The following ALX3 variants were observed in gnomAD, a reference collection of about 807,000 sequenced individuals.
ALX3 encodes homeobox protein aristaless-like 3.
A neutral mutation model predicts 26.3 loss-of-function variants in ALX3; 17 were observed. The ratio of observed to expected loss-of-function variants is 0.65; its 90% CI spans 0.44 to 0.97. ALX3 has a LOEUF of 0.97. Ranked by LOEUF, ALX3 falls within the 50% of genes least tolerant of loss-of-function variation. The probability of loss-of-function intolerance (pLI) is 0.00; values close to 1 mark genes in which losing one functional copy is unlikely to be tolerated. For missense variants in ALX3, 461 were observed against 466.5 expected, an observed-to-expected ratio of 0.99 and a Z score of 0.11; for synonymous variants, 208 against 201.4, an observed-to-expected ratio of 1.03 and a Z score of -0.28.
rs528231916 is a variant in ALX3, at chr1:110,066,933, C to T, written c.278-2030G>A. On this transcript the variant is annotated intron_variant, in intron 1 of 3. Transcript: ENST00000647563. ...AGTGCAGTAGGACTTCTCAGAGCAGCTTCCCCAAAGAAGAGGCTAAGCCTG... is the reference window on the plus strand; with the variant it reads ...AGTGCAGTAGGACTTCTCAGAGCAGTTTCCCCAAAGAAGAGGCTAAGCCTG... Among the ~76,000 whole-genome samples the T allele has an allele frequency of 3.3e-5, 5 of 152,332 alleles. No homozygotes were observed. In the East Asian group the frequency reaches 7.7e-4, roughly 24 times the overall value.
At position 110,070,057 on chromosome 1, in the gene ALX3, AC is replaced by A. The variant is rs765781340; in HGVS notation, c.277+278del. ...CAGGTCCAACTGCTTTCGGGCCCCG[AC>A]TGGACTCCGGGCCGTCGCCACTGCA... is the stretch of plus-strand genomic sequence containing the variant. On this transcript the variant is annotated intron_variant, in intron 1 of 3. Coordinates refer to ENST00000647563, the MANE Select transcript of ALX3 (RefSeq NM_006492.3). Among the ~76,000 whole-genome samples the A allele has an allele frequency of 2.4e-3, 368 of 151,974 alleles. 4 individuals are homozygous for A. The highest frequency in any genetic ancestry group is 3.9e-3 in the Non-Finnish European group (265 of 67,916).
intron 1 of ALX3, 36 bp from the exon 2 acceptor site, chr1:110,064,939 G>A: frequency 3.8e-6 from 6 of 1,559,986 alleles, no homozygotes; most frequent in Non-Finnish European, 4.3e-6. Flanking sequence ...GATGGCAACT[G>A]AACCAGGGGC....
In ALX3 at chr1:110,070,634, C is replaced by T; in HGVS notation, c.-22G>A. Reference sequence around the variant, plus strand: ...CCATGCCGGCTCAGGGCGCACAGGCCTCCGGGGCTCCGGGGCTCGCGCTGC... The same window carrying T: ...CCATGCCGGCTCAGGGCGCACAGGCTTCCGGGGCTCCGGGGCTCGCGCTGC... On this transcript the variant is annotated 5_prime_UTR_variant, in exon 1 of 4. Transcript: ENST00000647563. 8.3e-7 allele frequency: 1 copy of T among 1,204,472 alleles called. No homozygotes were observed. Among genetic ancestry groups the T allele is most frequent in the East Asian group, 3.4e-5 (1 of 29,074 alleles). 74.6% of individuals were successfully genotyped at this position (1,204,472 alleles called of 1,614,324 possible). A position where few individuals can be genotyped will look rare whatever the true frequency, so the allele number is the denominator to read the frequency against.
rs535600043 is a variant in ALX3 at position 110,070,291 on chromosome 1, G to A, written c.277+45C>T. 1.2e-5 allele frequency: 16 copies of A among 1,290,272 alleles called. No homozygotes were observed. In the South Asian group the frequency reaches 4.3e-4, roughly 34 times the overall value. 79.9% of individuals were successfully genotyped at this position (1,290,272 alleles called of 1,614,324 possible). On this transcript the variant is annotated intron_variant, in intron 1 of 3. Transcript: ENST00000647563. ...CCGGGTGGGCCCGGGTAAGGAAGAA[G>A]AAGAGAGGGTCGGGCTGCGCGCTAC...
At chr1:110,068,266 A>T (rs1653835493) in intron 1 of ALX3, among the ~76,000 whole-genome samples, 1 of 152,218 alleles carries the variant, frequency 6.6e-6, no homozygotes, top group South Asian at 2.1e-4. Flanking sequence ...CGAGCCGGTT[A>T]TTTTAAAAAC....
At chr1:110,068,616 G>C (rs936626120) in intron 1 of ALX3, among the ~76,000 whole-genome samples, 3 of 152,134 alleles carry the variant, frequency 2.0e-5, no homozygotes, top group African/African-American at 7.2e-5. Flanking sequence ...TGTTTAGTCT[G>C]CTCCCTCCCT....
chr1:110,061,162 C>T, intron 3 of ALX3, 121 bp from the exon 4 acceptor site: 2 of 1,209,012 alleles, frequency 1.7e-6, no homozygotes, highest in Non-Finnish European at 2.4e-6. Context: ...CCACTTGGCT[C>T]AGATCTACCC....
intron 3 of ALX3, 133 bp from the exon 4 acceptor site, chr1:110,061,174 CT>C: frequency 8.8e-6 from 10 of 1,131,808 alleles, no homozygotes; most frequent in Non-Finnish European, 1.3e-5. Flanking sequence ...GATCTACCCC[CT>C]CTCACCCCCA....
Position 110,070,616 on chromosome 1 carries a change from G to A in ALX3, c.-4C>T. ...GCGCGCAGTGCTCGGGGTCCATGCC[G>A]GCTCAGGGCGCACAGGCCTCCGGGG... On this transcript the variant is annotated 5_prime_UTR_variant, in exon 1 of 4. Transcript: ENST00000647563. 1.6e-6 allele frequency: 2 copies of A among 1,230,496 alleles called. No individual in the cohort carries two copies. Among genetic ancestry groups the A allele is most frequent in the Non-Finnish European group, 2.0e-6 (2 of 986,406 alleles). 76.2% of individuals were successfully genotyped at this position (1,230,496 alleles called of 1,614,324 possible).
chr1:110,060,670 G>GTGT lies in ALX3; in HGVS notation c.*62_*63insACA. On this transcript the variant is annotated 3_prime_UTR_variant, in exon 4 of 4. Coordinates refer to ENST00000647563, the MANE Select transcript of ALX3 (RefSeq NM_006492.3). Reference sequence around the variant, plus strand: ...ATCTGGGGCTTGGAGGCAGAGGTGGGCTGGGAGCGACTGGGAATGGAAAAA... The same window carrying GTGT: ...ATCTGGGGCTTGGAGGCAGAGGTGGGTGTCTGGGAGCGACTGGGAATGGAAAAA... 2.9e-5 allele frequency: 13 copies of GTGT among 441,344 alleles called. No individual in the cohort carries two copies. The highest frequency in any genetic ancestry group is 3.9e-5 in the Non-Finnish European group (13 of 332,120). 27.3% of individuals were successfully genotyped at this position (441,344 alleles called of 1,614,324 possible).
chr1:110,066,584 G>A lies in ALX3; in HGVS notation c.278-1681C>T, dbSNP rs201015722. The stretch of plus-strand genomic sequence containing the variant: ...CTGGAATGGGACATCCCCCCCCCCC[G>A]CCCCCGCCACCCCCACCACATGCAT... On this transcript the variant is annotated intron_variant, in intron 1 of 3. Transcript: ENST00000647563. 5.1e-3 allele frequency among the ~76,000 whole-genome samples: 311 copies of A among 61,570 alleles called. 4 individuals are homozygous for A. The highest frequency in any genetic ancestry group is 0.018 in the African/African-American group (291 of 16,036). 40.4% of individuals were successfully genotyped at this position (61,570 alleles called of 152,430 possible).
chr1:110,069,418 A>C (rs1291175795), intron 1 of ALX3, among the ~76,000 whole-genome samples: 3 of 152,210 alleles, frequency 2.0e-5, no homozygotes, highest in Admixed American at 6.5e-5. Context: ...TGCAGTGCGG[A>C]AGCCGAGACG....
In ALX3 at chr1:110,060,883, G is replaced by A; in HGVS notation, c.882C>T (p.His294=). 1 of 1,613,920 alleles carries A rather than the reference G, an allele frequency of 6.2e-7. No homozygotes were observed. Among genetic ancestry groups the A allele is most frequent in the Non-Finnish European group, 8.5e-7 (1 of 1,179,956 alleles). The change falls in exon 4 of 4, where the codon CAC becomes CAT. Residue 294 remains histidine, a synonymous_variant. Transcript: ENST00000647563. ...AGCCATGGATGGAGTAGATGCCAGGGTGAGCCGCAGAAGGGGCTGGCACCC... is the reference window on the plus strand; with the variant it reads ...AGCCATGGATGGAGTAGATGCCAGGATGAGCCGCAGAAGGGGCTGGCACCC... ...FMGVPAPSAA[H]PGIYSIHGFP... is the part of the protein sequence containing the mutation.
rs139199337 is a variant in ALX3 at position 110,060,784 on chromosome 1, C to T, written c.981G>A (p.Ser327=). The change falls in exon 4 of 4, where the codon TCG becomes TCA. Residue 327 remains serine, a synonymous_variant. Coordinates refer to ENST00000647563, the MANE Select transcript of ALX3 (RefSeq NM_006492.3). ...GTGGCTCCTTGGGCTTTACCCTGAG[C>T]GAGACGAGGCTTGGAGACTTATAGT... ...DGDYKSPSLV[S]LRVKPKEPPG... 175 of 1,612,684 alleles carry T rather than the reference C, an allele frequency of 1.1e-4. No individual in the cohort carries two copies. In the East Asian group the frequency reaches 3.2e-3, roughly 30 times the overall value.
chr1:110,062,014 C>T, intron 2 of ALX3: 1 of 175,828 alleles, frequency 5.7e-6, no homozygotes, highest in Non-Finnish European at 1.2e-5. Flanking sequence ...CCTGTTTAAA[C>T]CCTCAGTGAC....
chr1:110,060,664 A>G lies in ALX3; in HGVS notation c.*69T>C, dbSNP rs4520416. On this transcript the variant is annotated 3_prime_UTR_variant, in exon 4 of 4. Transcript: ENST00000647563. ...AGAACCATCTGGGGCTTGGAGGCAG[A>G]GGTGGGCTGGGAGCGACTGGGAATG... The G allele has an allele frequency of 2.5e-4, 337 of 1,374,492 alleles. No individual in the cohort carries two copies. The highest frequency in any genetic ancestry group is 3.8e-4 in the Admixed American group (17 of 45,224). 85.1% of individuals were successfully genotyped at this position (1,374,492 alleles called of 1,614,324 possible). A position where few individuals can be genotyped will look rare whatever the true frequency, so the allele number is the denominator to read the frequency against.
chr1:110,066,748 G>A (rs1201748691), intron 1 of ALX3, among the ~76,000 whole-genome samples: 1 of 152,136 alleles, frequency 6.6e-6, no homozygotes, highest in Non-Finnish European at 1.5e-5. Flanking sequence ...TGGGGTTCAA[G>A]AGTACTGACA....
chr1:110,065,363 C>T (rs765486102), intron 1 of ALX3, among the ~76,000 whole-genome samples: 3 of 152,140 alleles, frequency 2.0e-5, no homozygotes, highest in Non-Finnish European at 2.9e-5. Flanking sequence ...CTTATGCCCA[C>T]GCCTCTGTTC....
chr1:110,070,450 C>A lies in ALX3; in HGVS notation c.163G>T (p.Gly55Trp). Reference protein sequence around the residue: ...GPRLTRFPACGPLEPYLPEPA... With the variant: ...GPRLTRFPACWPLEPYLPEPA... ...TCTGGGAGGTAGGGCTCCAGGGGCCCGCAGGCCGGAAAGCGGGTCAGCCGC... is the reference window on the plus strand; with the variant it reads ...TCTGGGAGGTAGGGCTCCAGGGGCCAGCAGGCCGGAAAGCGGGTCAGCCGC... Residue 55 changes from glycine (G) to tryptophan (W), a missense_variant, in exon 1 of 4, where the codon GGG becomes TGG. This residue lies in a region of ALX3 where 241 missense variants were observed against 206.1 expected (regional missense o/e 1.17). Coordinates refer to ENST00000647563, the MANE Select transcript of ALX3 (RefSeq NM_006492.3). 8.0e-7 allele frequency: 1 copy of A among 1,255,660 alleles called. No homozygotes were observed. Among genetic ancestry groups the A allele is most frequent in the East Asian group, 3.0e-5 (1 of 33,358 alleles). 77.8% of individuals were successfully genotyped at this position (1,255,660 alleles called of 1,614,324 possible). A position where few individuals can be genotyped will look rare whatever the true frequency, so the allele number is the denominator to read the frequency against.
Sources: gnomAD v4.1 joint callset for allele counts (sites outside exome capture counted in the v4.1 genomes callset) on GRCh38, gnomAD v4.1.1 for gene constraint, gnomAD v4.1.1 regional missense constraint, MANE v1.5 for transcripts, NCBI Gene and HGNC (gene_info 2026-07-23, HGNC 2026-07-21) for gene names.